The following MID1 variants were observed in gnomAD, a reference collection of about 807,000 sequenced individuals.
The protein encoded by MID1 is E3 ubiquitin-protein ligase Midline-1.
MID1 carries 7 observed loss-of-function variants against 40.4 expected under a neutral mutation model. That is an observed-to-expected ratio of 0.17 (90% confidence interval 0.10 to 0.33). The LOEUF is 0.33. MID1 is among the 10% of genes least tolerant of loss of function. MID1 has a pLI of 1.00. For missense variants in MID1, 367 were observed against 558.5 expected, an observed-to-expected ratio of 0.66 and a Z score of 3.46; for synonymous variants, 229 against 221.2, an observed-to-expected ratio of 1.04 and a Z score of -0.31.
In MID1 at chrX:10,536,903, C is replaced by A; in HGVS notation, c.661-13716G>T. Among the ~76,000 whole-genome samples, 3 of 111,706 alleles carry A rather than the reference C, an allele frequency of 2.7e-5. 1 individual carries two copies. The highest frequency in any genetic ancestry group is 2.8e-4 in the East Asian group (1 of 3,557). On this transcript the variant is annotated intron_variant, in intron 2 of 9. Coordinates refer to ENST00000317552, the MANE Select transcript of MID1 (RefSeq NM_000381.4). ...CCCATTCTTGGGCCTTTCCCGAGTT[C>A]CTTCAGTCTCTACTGCGGAACAGGA...
chrX:10,809,066 C>G (rs1261055144), intron 1 of MID1, among the ~76,000 whole-genome samples: 1 of 111,401 alleles, frequency 9.0e-6, no homozygotes, highest in Non-Finnish European at 1.9e-5. Context: ...ACAACGAACT[C>G]AAACAAACTT....
intron 1 of MID1, among the ~76,000 whole-genome samples, chrX:10,769,331 T>A (rs1170304425): frequency 9.0e-6 from 1 of 110,951 alleles, no homozygotes; most frequent in African/African-American, 3.3e-5. Flanking sequence ...GTAGGCTCTC[T>A]ATGTGGCAGT....
intron 1 of MID1, among the ~76,000 whole-genome samples, chrX:10,784,443 CTTTT>C: frequency 1.1e-5 from 1 of 87,566 alleles, no homozygotes; most frequent in Non-Finnish European, 2.3e-5. Context: ...GTTGTATTTT[CTTTT>C]TTTTTTTTTT....
intron 2 of MID1, among the ~76,000 whole-genome samples, chrX:10,534,935 G>A (rs1412488997): frequency 8.9e-6 from 1 of 112,686 alleles, no homozygotes; most frequent in Non-Finnish European, 1.9e-5. Flanking sequence ...AAGTTTTGAA[G>A]TTTGAATCTC....
intron 1 of MID1, among the ~76,000 whole-genome samples, chrX:10,692,902 T>C (rs773590933): frequency 9.0e-6 from 1 of 111,488 alleles, no homozygotes; most frequent in African/African-American, 3.3e-5. Context: ...CTTCAGTCTT[T>C]AGTTGAATGA....
intron 6 of MID1, among the ~76,000 whole-genome samples, chrX:10,470,641 G>A (rs186501815): frequency 1.3e-3 from 143 of 111,912 alleles, no homozygotes; most frequent in Middle Eastern, 9.3e-3. Context: ...ATATCTAAAA[G>A]GTACATTTTC....
chrX:10,775,172 A>C (rs1002692394), intron 1 of MID1, among the ~76,000 whole-genome samples: 3 of 108,726 alleles, frequency 2.8e-5, no homozygotes, highest in Admixed American at 1.0e-4. Context: ...GGGAGCAAGA[A>C]TGTGCACAAA....
chrX:10,588,826 C>G (rs1360989125), intron 1 of MID1, among the ~76,000 whole-genome samples: 2 of 111,400 alleles, frequency 1.8e-5, no homozygotes, highest in Non-Finnish European at 3.8e-5. Context: ...TACAGGCTAC[C>G]TTGTGCCATA....
intron 3 of MID1, among the ~76,000 whole-genome samples, chrX:10,513,465 C>G (rs1240249090): frequency 4.5e-5 from 5 of 112,083 alleles, no homozygotes; most frequent in African/African-American, 1.6e-4. Flanking sequence ...CAGCTAAGAC[C>G]ATCTCATATA....
intron 1 of MID1, among the ~76,000 whole-genome samples, chrX:10,663,862 G>A (rs778075690): frequency 5.4e-5 from 6 of 111,986 alleles, no homozygotes; most frequent in South Asian, 3.7e-4. Flanking sequence ...TATATTGAAT[G>A]TGTTAATATT....
intron 1 of MID1, among the ~76,000 whole-genome samples, chrX:10,602,225 C>CTTTTT (rs56897260): frequency 3.6e-5 from 3 of 83,533 alleles, no homozygotes; most frequent in Admixed American, 1.3e-4. Flanking sequence ...TAGTTTCTGA[C>CTTTTT]TTTTTTTTTT....
chrX:10,525,273 G>C (rs1200028656), intron 2 of MID1, among the ~76,000 whole-genome samples: 1 of 112,025 alleles, frequency 8.9e-6, no homozygotes, highest in Non-Finnish European at 1.9e-5. Context: ...TTTAAAACAA[G>C]TTAAACTTAT....
intron 3 of MID1, chrX:10,506,319 G>A (rs1931830261): frequency 9.4e-7 from 1 of 1,065,676 alleles, no homozygotes; most frequent in South Asian, 2.8e-5. Context: ...AGAAGGATAT[G>A]AGACAAGAAT....
intron 1 of MID1, among the ~76,000 whole-genome samples, chrX:10,697,744 CAT>C (rs1301402671): frequency 9.0e-6 from 1 of 111,467 alleles, no homozygotes; most frequent in Non-Finnish European, 1.9e-5. Context: ...TGTGTGCTGA[CAT>C]GTGGTGTATG....
intron 2 of MID1, among the ~76,000 whole-genome samples, chrX:10,549,825 G>A (rs752270137): frequency 6.2e-5 from 7 of 112,609 alleles, no homozygotes; most frequent in South Asian, 3.6e-4. Context: ...CTAGATATGC[G>A]TGATGGCCCT....
intron 1 of MID1, among the ~76,000 whole-genome samples, chrX:10,720,572 A>G (rs1236035856): frequency 8.9e-6 from 1 of 111,732 alleles, no homozygotes; most frequent in Non-Finnish European, 1.9e-5. Context: ...GGATGTGGAG[A>G]AATAGAAACA....
At chrX:10,715,830 A>G (rs1033480301) in intron 1 of MID1, among the ~76,000 whole-genome samples, 1 of 111,311 alleles carries the variant, frequency 9.0e-6, no homozygotes, top group African/African-American at 3.3e-5. Context: ...ACAGCCAGGT[A>G]CTCCTCTGAG....
chrX:10,738,065 G>A (rs1243977675), intron 1 of MID1, among the ~76,000 whole-genome samples: 2 of 111,184 alleles, frequency 1.8e-5, no homozygotes, highest in Non-Finnish European at 3.8e-5. Flanking sequence ...CATCAGTCCC[G>A]GGGGCTGGTC....
chrX:10,467,530 A>G (rs989413021), intron 7 of MID1, among the ~76,000 whole-genome samples: 2 of 111,996 alleles, frequency 1.8e-5, no homozygotes, highest in African/African-American at 6.5e-5. Context: ...TGCCATTTGC[A>G]GGTCCTGGCT....
Sources: gnomAD v4.1 joint callset for allele counts (sites outside exome capture counted in the v4.1 genomes callset) on GRCh38, gnomAD v4.1.1 for gene constraint, MANE v1.5 for transcripts, NCBI Gene and HGNC (gene_info 2026-07-23, HGNC 2026-07-21) for gene names.